The following FRMPD2 variants were observed in gnomAD, a reference collection of about 807,000 sequenced individuals.
FRMPD2 encodes FERM and PDZ domain-containing protein 2.
A neutral mutation model predicts 140.1 loss-of-function variants in FRMPD2; 96 were observed. The observed-to-expected ratio is 0.69, with a 90% CI of 0.58 to 0.81. The LOEUF is 0.81. FRMPD2 is among the 40% of genes least tolerant of loss of function. FRMPD2 has a pLI of 0.00. For missense variants in FRMPD2, 1,240 were observed against 1,447.4 expected, an observed-to-expected ratio of 0.86 and a Z score of 2.32; for synonymous variants, 449 against 547.6, an observed-to-expected ratio of 0.82 and a Z score of 2.52.
intron 15 of FRMPD2, among the ~76,000 whole-genome samples, chr10:48,195,093 A>T (rs923878880): frequency 1.6e-4 from 24 of 152,226 alleles, no homozygotes; most frequent in African/African-American, 5.5e-4. Flanking sequence ...CACAGGATAT[A>T]CTCTGAGCCA....
intron 10 of FRMPD2, among the ~76,000 whole-genome samples, chr10:48,228,616 A>C (rs1839778766): frequency 6.6e-6 from 1 of 152,000 alleles, no homozygotes. Context: ...AATTTGTAAA[A>C]GGCAGTTTAT....
intron 1 of FRMPD2, among the ~76,000 whole-genome samples, chr10:48,270,909 C>A (rs1291965166): frequency 6.6e-6 from 1 of 152,148 alleles, no homozygotes; most frequent in Non-Finnish European, 1.5e-5. Flanking sequence ...AAGCCACCAG[C>A]ACCCTCCCCT....
chr10:48,268,228 T>A (rs1205316036), intron 1 of FRMPD2, among the ~76,000 whole-genome samples: 2 of 152,090 alleles, frequency 1.3e-5, no homozygotes, highest in African/African-American at 4.8e-5. Flanking sequence ...AAAGTGACAA[T>A]ACCAAATGCT....
chr10:48,207,800 C>T (rs1839235514), intron 13 of FRMPD2, among the ~76,000 whole-genome samples: 1 of 152,028 alleles, frequency 6.6e-6, no homozygotes, highest in South Asian at 2.1e-4. Context: ...CCCATTCCTA[C>T]CCCCAACCAG....
intron 3 of FRMPD2, among the ~76,000 whole-genome samples, chr10:48,245,546 C>G (rs1840227360): frequency 6.6e-6 from 1 of 152,160 alleles, no homozygotes; most frequent in Admixed American, 6.5e-5. Context: ...AAGATCAAGT[C>G]AAAAGTACCC....
At chr10:48,184,495 A>C (rs1211607731) in intron 20 of FRMPD2, 71 bp downstream of exon 20, 7 of 927,028 alleles carry the variant, frequency 7.6e-6, no homozygotes, top group Non-Finnish European at 8.8e-6. Flanking sequence ...AAGGTCTAGT[A>C]CCTCACAGTA....
intron 1 of FRMPD2, among the ~76,000 whole-genome samples, chr10:48,264,531 T>C (rs2131985146): frequency 6.6e-6 from 1 of 152,202 alleles, no homozygotes; most frequent in Admixed American, 6.5e-5. Flanking sequence ...TATCAATTAT[T>C]ATATTAACAC....
intron 1 of FRMPD2, among the ~76,000 whole-genome samples, chr10:48,262,105 C>A (rs1479203108): frequency 1.3e-5 from 2 of 152,042 alleles, no homozygotes; most frequent in Non-Finnish European, 2.9e-5. Context: ...ATTAATCTAA[C>A]AACATCAATA....
chr10:48,173,679 A>G (rs1588804434), intron 24 of FRMPD2, among the ~76,000 whole-genome samples: 1 of 152,056 alleles, frequency 6.6e-6, no homozygotes, highest in Admixed American at 6.5e-5. Flanking sequence ...AAAGTCTCCA[A>G]TGCTTCCCAT....
At chr10:48,159,941 A>G (rs1837888847) in intron 28 of FRMPD2, among the ~76,000 whole-genome samples, 1 of 151,492 alleles carries the variant, frequency 6.6e-6, no homozygotes, top group Non-Finnish European at 1.5e-5. Context: ...TTAAAGACAA[A>G]CATTTTGCAT....
At chr10:48,239,914 T>C (rs757465995) in intron 6 of FRMPD2, among the ~76,000 whole-genome samples, 9 of 152,178 alleles carry the variant, frequency 5.9e-5, no homozygotes, top group Non-Finnish European at 1.0e-4. Context: ...AATGGCAAAG[T>C]GCACTTTGTT....
chr10:48,226,683 A>G (rs557374879), intron 10 of FRMPD2, among the ~76,000 whole-genome samples: 6 of 152,356 alleles, frequency 3.9e-5, no homozygotes, highest in African/African-American at 1.4e-4. Flanking sequence ...ACAGAATACC[A>G]TACAGACCTT....
At position 48,246,562 on chromosome 10, in the gene FRMPD2, G is replaced by C. The variant is rs74130211; in HGVS notation, c.310-1713C>G. Reference sequence around the variant, plus strand: ...GTACTGGCAGCACAGATGACTTGTAGTTAGAGACCTGCCCACACCTTCCAC... The same window carrying C: ...GTACTGGCAGCACAGATGACTTGTACTTAGAGACCTGCCCACACCTTCCAC... On this transcript the variant is annotated intron_variant, in intron 3 of 28. Transcript: ENST00000374201. Among the ~76,000 whole-genome samples the C allele has an allele frequency of 1.8e-3, 271 of 152,374 alleles. 1 individual carries two copies. Among genetic ancestry groups the C allele is most frequent in the African/African-American group, 6.2e-3 (258 of 41,590 alleles).
At chr10:48,208,402 T>C (rs1321557803) in intron 13 of FRMPD2, among the ~76,000 whole-genome samples, 1 of 152,198 alleles carries the variant, frequency 6.6e-6, no homozygotes, top group African/African-American at 2.4e-5. Flanking sequence ...TTCCTACTAG[T>C]AAAGCACCAT....
intron 1 of FRMPD2, among the ~76,000 whole-genome samples, chr10:48,261,395 A>T (rs1373629842): frequency 6.6e-6 from 1 of 152,148 alleles, no homozygotes. Flanking sequence ...AGCAAAAAAA[A>T]GTGAGAGAGA....
At chr10:48,262,048 C>T (rs1332251412) in intron 1 of FRMPD2, among the ~76,000 whole-genome samples, 2 of 151,924 alleles carry the variant, frequency 1.3e-5, no homozygotes, top group African/African-American at 4.8e-5. Flanking sequence ...TAAAAAGAAA[C>T]AAAAACCAAT....
chr10:48,173,995 A>G lies in FRMPD2; in HGVS notation c.3075+875T>C, dbSNP rs1442231578. ...GGCCAGCCAAGTACCCTCTCTACCC[A>G]TGCTCATTAGCAAAGGTCTAAATAT... On this transcript the variant is annotated intron_variant, in intron 24 of 28. Transcript: ENST00000374201. Among the ~76,000 whole-genome samples the G allele has an allele frequency of 9.6e-4, 146 of 152,342 alleles. 1 individual carries two copies. The East Asian group carries it at 0.011, about 12-fold the overall frequency.
At chr10:48,256,519 A>G (rs1245932903) in intron 1 of FRMPD2, among the ~76,000 whole-genome samples, 2 of 152,168 alleles carry the variant, frequency 1.3e-5, no homozygotes, top group African/African-American at 4.8e-5. Flanking sequence ...GACACCATCC[A>G]TGACCTCTGG....
chr10:48,242,274 G>A lies in FRMPD2; in HGVS notation c.454C>T (p.Gln152Ter). 6.2e-7 allele frequency: 1 copy of A among 1,614,158 alleles called. No individual in the cohort carries two copies. The highest frequency in any genetic ancestry group is 8.5e-7 in the Non-Finnish European group (1 of 1,180,006). ...ACCCGACAAGCTTCCAGAACCGACTGCAACGTGCACCGCCTGTGAGGCTGG... is the reference window on the plus strand; with the variant it reads ...ACCCGACAAGCTTCCAGAACCGACTACAACGTGCACCGCCTGTGAGGCTGG... ...EDQPHRRCTL[Q>*]SVLEACRVHE... The change falls in exon 5 of 29, where the codon CAG (glutamine) becomes TAG (stop). Residue 152 changes from glutamine (Q) to a stop codon, truncating the protein, a stop_gained. Coordinates refer to ENST00000374201, the MANE Select transcript of FRMPD2 (RefSeq NM_001018071.4). LOFTEE classifies it high-confidence loss of function.
Sources: gnomAD v4.1 joint callset for allele counts (sites outside exome capture counted in the v4.1 genomes callset) on GRCh38, gnomAD v4.1.1 for gene constraint, MANE v1.5 for transcripts, NCBI Gene and HGNC (gene_info 2026-07-23, HGNC 2026-07-21) for gene names.